BEND7: variants seen among roughly 807,000 people sequenced by gnomAD.
BEND7 encodes BEN domain-containing protein 7.
A neutral mutation model predicts 50.9 loss-of-function variants in BEND7; 28 were observed. That is an observed-to-expected ratio of 0.55 (90% CI 0.41 to 0.75). BEND7 has a LOEUF of 0.75. Among genes scored for constraint, BEND7 ranks in the 30% least tolerant of loss-of-function variants. The probability of loss-of-function intolerance (pLI) is 0.00; values close to 1 mark genes in which losing one functional copy is unlikely to be tolerated. For missense variants in BEND7, 477 were observed against 491.3 expected (o/e 0.97, Z 0.28); for synonymous variants, 170 against 183.9 (o/e 0.92, Z 0.61).
intron 6 of BEND7, among the ~76,000 whole-genome samples, chr10:13,457,935 C>G: frequency 6.6e-6 from 1 of 152,308 alleles, no homozygotes; most frequent in Middle Eastern, 3.4e-3. Context: ...AGAAATCTCC[C>G]TCCTTTCCTA....
At chr10:13,452,687 T>C in intron 6 of BEND7, 29 bp from the exon 7 acceptor site, 1 of 1,526,534 alleles carries the variant, frequency 6.6e-7, no homozygotes, top group South Asian at 1.2e-5. Flanking sequence ...TATTGTTAAA[T>C]ACCTTAACAA....
At chr10:13,512,034 C>G (rs1487304846) in intron 2 of BEND7, among the ~76,000 whole-genome samples, 1 of 152,182 alleles carries the variant, frequency 6.6e-6, no homozygotes, top group South Asian at 2.1e-4. Flanking sequence ...TGTTAGCACA[C>G]AGGGTGGAAA....
intron 6 of BEND7, among the ~76,000 whole-genome samples, chr10:13,471,383 C>T (rs895338332): frequency 2.0e-5 from 3 of 152,350 alleles, no homozygotes; most frequent in Admixed American, 1.3e-4. Flanking sequence ...ATCATGTCTT[C>T]TGTTAACACA....
chr10:13,476,089 A>G (rs887955381), intron 6 of BEND7, among the ~76,000 whole-genome samples: 3 of 152,196 alleles, frequency 2.0e-5, no homozygotes, highest in African/African-American at 7.2e-5. Context: ...AATAGAAAAG[A>G]GCTATTCACT....
At chr10:13,473,480 TTGA>T (rs2075110120) in intron 6 of BEND7, among the ~76,000 whole-genome samples, 1 of 146,270 alleles carries the variant, frequency 6.8e-6, no homozygotes, top group Non-Finnish European at 1.5e-5. Flanking sequence ...AGACTCGGGG[TTGA>T]TATCTGTCAT....
At chr10:13,468,667 GTGATGCACAGC>G (rs2074497024) in intron 6 of BEND7, among the ~76,000 whole-genome samples, 1 of 152,208 alleles carries the variant, frequency 6.6e-6, no homozygotes, top group Non-Finnish European at 1.5e-5. Context: ...CAAGGACAGA[GTGATGCACAGC>G]TGGACCAGGA....
intron 2 of BEND7, among the ~76,000 whole-genome samples, chr10:13,523,879 A>G (rs1203479740): frequency 6.6e-6 from 1 of 152,224 alleles, no homozygotes; most frequent in Non-Finnish European, 1.5e-5. Flanking sequence ...AACCAACTAC[A>G]TGATGACCCA....
At chr10:13,466,503 G>A (rs1407218778) in intron 6 of BEND7, among the ~76,000 whole-genome samples, 3 of 151,788 alleles carry the variant, frequency 2.0e-5, no homozygotes, top group African/African-American at 4.8e-5. Context: ...AGGTTGCAGT[G>A]AGCCAAGATC....
chr10:13,477,502 T>TAAC lies in BEND7; in HGVS notation c.1063+3394_1063+3396dup, dbSNP rs556789951. Among the ~76,000 whole-genome samples the TAAC allele has an allele frequency of 6.6e-5, 10 of 152,266 alleles. No individual in the cohort carries two copies. The South Asian group carries it at 1.9e-3, about 28-fold the overall frequency. ...TCTTTTTTTAAAAAATCTCTACGAA[T>TAAC]AACAACAACAACAAAAAAGACCTTA... On this transcript the variant is annotated intron_variant, in intron 6 of 8. Transcript: ENST00000466271.
chr10:13,528,234 T>A (rs1360761129), intron 1 of BEND7, among the ~76,000 whole-genome samples: 1 of 151,952 alleles, frequency 6.6e-6, no homozygotes, highest in East Asian at 1.9e-4. Context: ...CATTGTTTGC[T>A]AATTTCCTGA....
At chr10:13,527,762 TAAC>T (rs902205440) in intron 1 of BEND7, 1 of 855,248 alleles carries the variant, frequency 1.2e-6, no homozygotes, top group African/African-American at 1.8e-5. Context: ...TAAAGACTCT[TAAC>T]AAGTAACTGA....
intron 2 of BEND7, among the ~76,000 whole-genome samples, chr10:13,514,828 C>G (rs551204179): frequency 1.3e-5 from 2 of 152,196 alleles, no homozygotes; most frequent in Admixed American, 6.5e-5. Context: ...AGGAACCTTA[C>G]TTTTGCATCT....
chr10:13,450,913 T>C (rs537899843), intron 7 of BEND7, among the ~76,000 whole-genome samples: 1 of 152,006 alleles, frequency 6.6e-6, no homozygotes, highest in African/African-American at 2.4e-5. Context: ...CTGGCCAGTC[T>C]GCTTGGGGGA....
chr10:13,475,030 AG>A (rs1267335026), intron 6 of BEND7, among the ~76,000 whole-genome samples: 2 of 152,244 alleles, frequency 1.3e-5, no homozygotes, highest in Non-Finnish European at 2.9e-5. Context: ...ACCAACACCC[AG>A]GAAATTCTGA....
intron 5 of BEND7, among the ~76,000 whole-genome samples, chr10:13,484,000 T>C (rs4748040): frequency 0.58 from 88,371 of 152,098 alleles, 25,954 homozygotes; most frequent in East Asian, 0.76. Context: ...CCAATGCAGA[T>C]GCTGTCACTG....
At chr10:13,500,394 G>A (rs1302937873) in intron 2 of BEND7, 3 of 585,400 alleles carry the variant, frequency 5.1e-6, no homozygotes, top group South Asian at 4.2e-5. Flanking sequence ...AGTAGGTGAT[G>A]AGGAAACAGG....
chr10:13,523,352 C>A (rs2079207441), intron 2 of BEND7, among the ~76,000 whole-genome samples: 1 of 152,156 alleles, frequency 6.6e-6, no homozygotes, highest in Non-Finnish European at 1.5e-5. Flanking sequence ...ACTGAGCTAC[C>A]CTACCATGTG....
At chr10:13,443,749 A>G (rs997489757) in intron 8 of BEND7, 1 of 152,258 alleles carries the variant, frequency 6.6e-6, no homozygotes, top group African/African-American at 2.4e-5. Context: ...ATGCATATGA[A>G]GATTTGCCAT....
chr10:13,529,065 C>A, upstream of BEND7: 1 of 145,422 alleles, frequency 6.9e-6, no homozygotes, highest in South Asian at 2.0e-4. Flanking sequence ...GGAGGGGCGC[C>A]GGCGGAGGGG....
Sources: gnomAD v4.1 joint callset for allele counts (sites outside exome capture counted in the v4.1 genomes callset) on GRCh38, gnomAD v4.1.1 for gene constraint, MANE v1.5 for transcripts, NCBI Gene and HGNC (gene_info 2026-07-23, HGNC 2026-07-21) for gene names.